SAMD3: variants seen among roughly 807,000 people sequenced by gnomAD.
SAMD3 encodes the protein sterile alpha motif domain containing 3.
In SAMD3, 63 loss-of-function variants were observed where a neutral mutation model predicts 58.5. The observed-to-expected ratio is 1.08, with a 90% CI of 0.88 to 1.33. The LOEUF (loss-of-function observed/expected upper bound fraction) is 1.33. Ranked by LOEUF, SAMD3 falls within the 40% of genes most tolerant of loss-of-function variation. The probability of loss-of-function intolerance (pLI) is 0.00; values close to 1 mark genes in which losing one functional copy is unlikely to be tolerated. For synonymous variants in SAMD3, 220 were observed against 210.3 expected, an observed-to-expected ratio of 1.05 and a Z score of -0.40; for missense variants, 604 against 608.4, an observed-to-expected ratio of 0.99 and a Z score of 0.08.
At chr6:130,289,438 T>C (rs1198402950) in intron 2 of SAMD3, among the ~76,000 whole-genome samples, 1 of 152,150 alleles carries the variant, frequency 6.6e-6, no homozygotes, top group African/African-American at 2.4e-5. Context: ...CTTGTTTGTT[T>C]GAATTATCTG....
At chr6:130,320,981 C>T (rs182727263) in intron 1 of SAMD3, among the ~76,000 whole-genome samples, 1 of 152,308 alleles carries the variant, frequency 6.6e-6, no homozygotes, top group Non-Finnish European at 1.5e-5. Context: ...AATGCTTCCC[C>T]AGAGAGTTTG....
rs141594891 is a variant in SAMD3, at chr6:130,290,068, T to C, written c.-188+22910A>G. Among the ~76,000 whole-genome samples, 166 of 152,276 alleles carry C rather than the reference T, an allele frequency of 1.1e-3. 1 individual carries two copies. Among genetic ancestry groups the C allele is most frequent in the South Asian group, 9.5e-3 (46 of 4,818 alleles). Reference sequence around the variant, plus strand: ...CTGGGGCATAGGATTATGATAAAGGTTATATAATATAATGTTATATAATAG... The same window carrying C: ...CTGGGGCATAGGATTATGATAAAGGCTATATAATATAATGTTATATAATAG... On this transcript the variant is annotated intron_variant, in intron 2 of 13. Transcript: ENST00000368134.
rs757845884 is a variant in SAMD3, at chr6:130,144,687, A to G, written c.1396T>C (p.Leu466=). ...TGAAAGGCAGCTACTAGCGCAGCCA[A>G]GGCTGTAACACAGTCGTCCACCTTT... The part of the protein sequence containing the change: ...LTKVDDCVTA[L]AALVAAFHVF... Residue 466 remains leucine (L), a synonymous_variant, in exon 12 of 12, where the codon TTG becomes CTG. Transcript: ENST00000439090. The G allele has an allele frequency of 6.2e-7, 1 of 1,614,054 alleles. No homozygotes were observed. Among genetic ancestry groups the G allele is most frequent in the East Asian group, 2.2e-5 (1 of 44,854 alleles).
intron 8 of SAMD3, among the ~76,000 whole-genome samples, chr6:130,167,830 G>A (rs1790862462): frequency 6.6e-6 from 1 of 152,140 alleles, no homozygotes; most frequent in African/African-American, 2.4e-5. Context: ...AAAATACCCG[G>A]CATTATGCAA....
At chr6:130,333,044 CGTGTGTGTGTGTGTGTGTGTGT>C (rs10529435) in intron 1 of SAMD3, among the ~76,000 whole-genome samples, 8 of 143,554 alleles carry the variant, frequency 5.6e-5, no homozygotes, top group South Asian at 2.3e-4. Context: ...GTTGAGTATG[CGTGTGTGTGTGTGTGTGTGTGT>C]GTGTGTGTGT....
At position 130,273,870 on chromosome 6, in the gene SAMD3, G is replaced by T. The variant is rs545593191; in HGVS notation, c.-188+39108C>A. Among the ~76,000 whole-genome samples, 153 of 152,072 alleles carry T rather than the reference G, an allele frequency of 1.0e-3. 1 individual carries two copies. The highest frequency in any genetic ancestry group is 3.5e-3 in the African/African-American group (144 of 41,496). The stretch of plus-strand genomic sequence containing the variant: ...ACTGTAACTTCATTAACGAATTTTT[G>T]TAAAGTTATTCTTAATATTTTTTGA... On this transcript the variant is annotated intron_variant, in intron 2 of 13. Coordinates refer to the SAMD3 transcript ENST00000368134.
At chr6:130,259,572 A>G (rs779451115) in intron 2 of SAMD3, among the ~76,000 whole-genome samples, 1 of 152,262 alleles carries the variant, frequency 6.6e-6, no homozygotes, top group African/African-American at 2.4e-5. Flanking sequence ...TTCAAACCAT[A>G]GAAACACATA....
intron 5 of SAMD3, among the ~76,000 whole-genome samples, chr6:130,194,220 C>T (rs12216457): frequency 0.21 from 32,263 of 152,096 alleles, 4,217 homozygotes; most frequent in East Asian, 0.44. Context: ...TTTCTTTATC[C>T]GACCTCTCCC....
In SAMD3 at chr6:130,282,419, C is replaced by A. The variant is rs117734525; in HGVS notation, c.-188+30559G>T. ...GTTGATCATACAAGGAAGAATAGAG[C>A]CTCCCCTGGTGGCAAACTGAAGTGT... is the stretch of plus-strand genomic sequence containing the variant. On this transcript the variant is annotated intron_variant, in intron 2 of 13. Transcript: ENST00000368134. 4.3e-3 allele frequency among the ~76,000 whole-genome samples: 662 copies of A among 152,230 alleles called. 5 individuals are homozygous for A. Among genetic ancestry groups the A allele is most frequent in the Middle Eastern group, 6.8e-3 (2 of 294 alleles).
At chr6:130,188,153 T>G (rs1054359197) in intron 5 of SAMD3, among the ~76,000 whole-genome samples, 1 of 152,228 alleles carries the variant, frequency 6.6e-6, no homozygotes, top group Non-Finnish European at 1.5e-5. Flanking sequence ...CTAACTTTAG[T>G]AAGAGTGAAA....
chr6:130,235,638 A>C (rs139567094), intron 2 of SAMD3, among the ~76,000 whole-genome samples: 1 of 152,326 alleles, frequency 6.6e-6, no homozygotes, highest in East Asian at 1.9e-4. Flanking sequence ...TTTAGGTAAA[A>C]AGACATTGTG....
chr6:130,190,314 A>T (rs1264381773), intron 5 of SAMD3, among the ~76,000 whole-genome samples: 2 of 59,552 alleles, frequency 3.4e-5, no homozygotes, highest in African/African-American at 1.2e-4. Context: ...TATGTAACGT[A>T]CAAAAAAAAA....
chr6:130,144,246 A>T, downstream of SAMD3: 1 of 417,594 alleles, frequency 2.4e-6, no homozygotes, highest in Non-Finnish European at 4.2e-6. Flanking sequence ...ATTTCAAAAA[A>T]ACTGAGGCAC....
rs10680576 is a variant in SAMD3 at position 130,205,154 on chromosome 6, T to TAAA, written c.383+4338_383+4340dup. Among the ~76,000 whole-genome samples, 357 of 138,188 alleles carry TAAA rather than the reference T, an allele frequency of 2.6e-3. 2 individuals carry two copies. Among genetic ancestry groups the TAAA allele is most frequent in the East Asian group, 3.6e-3 (17 of 4,726 alleles). 90.7% of individuals were successfully genotyped at this position (138,188 alleles called of 152,430 possible). A position where few individuals can be genotyped will look rare whatever the true frequency, so the allele number is the denominator to read the frequency against. ...TATAGAGCCCTGGAGTTTGGCTCTGTAAAAAAAAAAAAAAAAAATTAGTAT... is the reference window on the plus strand; with the variant it reads ...TATAGAGCCCTGGAGTTTGGCTCTGTAAAAAAAAAAAAAAAAAAAAATTAGTAT... On this transcript the variant is annotated intron_variant, in intron 5 of 11. Coordinates refer to ENST00000439090, the MANE Select transcript of SAMD3 (RefSeq NM_001017373.4).
intron 1 of SAMD3, among the ~76,000 whole-genome samples, chr6:130,219,324 G>A (rs970970587): frequency 2.2e-5 from 3 of 139,316 alleles, no homozygotes; most frequent in Non-Finnish European, 4.7e-5. Flanking sequence ...AAATTACAGG[G>A]ATTTATTTTT....
chr6:130,348,606 T>TA (rs1330849734), intron 1 of SAMD3, among the ~76,000 whole-genome samples: 1 of 152,130 alleles, frequency 6.6e-6, no homozygotes, highest in African/African-American at 2.4e-5. Context: ...CAAAGAGACT[T>TA]AGACTCCCAC....
intron 1 of SAMD3, among the ~76,000 whole-genome samples, chr6:130,327,770 A>C (rs1212018458): frequency 6.6e-6 from 1 of 152,226 alleles, no homozygotes; most frequent in Non-Finnish European, 1.5e-5. Context: ...GATACTTTTT[A>C]ACATTTTGTC....
At chr6:130,223,599 T>C (rs1010406402), upstream of SAMD3, among the ~76,000 whole-genome samples, 1 of 152,208 alleles carries the variant, frequency 6.6e-6, no homozygotes, top group African/African-American at 2.4e-5. Context: ...TTTGTAGGCC[T>C]CTTCAGGAAG....
In SAMD3 at chr6:130,176,023, A is replaced by T; in HGVS notation, c.655-15T>A. On this transcript the variant is annotated splice_polypyrimidine_tract_variant and intron_variant, in intron 7 of 11. Coordinates refer to ENST00000439090, the MANE Select transcript of SAMD3 (RefSeq NM_001017373.4). ...TTCCATAAAAACTGTAAAATAAAAC[A>T]GACCAGTTAATCTTCAAGGAGATTG... 1 of 1,606,930 alleles carries T rather than the reference A, an allele frequency of 6.2e-7. No homozygotes were observed. The highest frequency in any genetic ancestry group is 1.3e-5 in the African/African-American group (1 of 74,814).
Sources: gnomAD v4.1 joint callset for allele counts (sites outside exome capture counted in the v4.1 genomes callset) on GRCh38, gnomAD v4.1.1 for gene constraint, MANE v1.5 for transcripts, NCBI Gene and HGNC (gene_info 2026-07-23, HGNC 2026-07-21) for gene names.